The following CD4 variants were observed in gnomAD, a reference collection of about 807,000 sequenced individuals.
CD4 encodes the protein T-cell surface glycoprotein CD4.
Under a neutral mutation model 50.5 loss-of-function variants are expected in CD4, and 25 were observed. The ratio of observed to expected loss-of-function variants is 0.49; its 90% confidence interval spans 0.36 to 0.69. The LOEUF (loss-of-function observed/expected upper bound fraction) is 0.69. CD4 is among the 30% of genes least tolerant of loss of function. The probability of loss-of-function intolerance (pLI) is 0.00; values close to 1 mark genes in which losing one functional copy is unlikely to be tolerated. For synonymous variants in CD4, 207 were observed against 221.9 expected (o/e 0.93, Z 0.60); for missense variants, 456 against 548.5 (o/e 0.83, Z 1.68).
intron 1 of CD4, among the ~76,000 whole-genome samples, chr12:6,793,966 ATC>A (rs1207716948): frequency 5.5e-5 from 2 of 36,378 alleles, no homozygotes; most frequent in African/African-American, 5.0e-4. Context: ...GCTTCTATCT[ATC>A]TATATCTATC....
At chr12:6,791,397 C>T (rs1301534119) in intron 1 of CD4, among the ~76,000 whole-genome samples, 1 of 152,176 alleles carries the variant, frequency 6.6e-6, no homozygotes, top group Admixed American at 6.5e-5. Flanking sequence ...AGCCCAACAC[C>T]ACGCCCGGCT....
Position 6,816,342 on chromosome 12 carries a change from C to G in CD4, c.894C>G (p.Thr298=), listed in dbSNP as rs781952168. 1 of 1,614,242 alleles carries G rather than the reference C, an allele frequency of 6.2e-7. No individual in the cohort carries two copies. Among genetic ancestry groups the G allele is most frequent in the Admixed American group, 1.7e-5 (1 of 60,026 alleles). The change falls in exon 6 of 10, where the codon ACC becomes ACG. Residue 298 remains threonine, a synonymous_variant. Transcript: ENST00000011653. The surrounding 1 kb of genome is among the most constrained non-coding windows in gnomAD (Gnocchi z 4.9). ...LPQYAGSGNL[T]LALEAKTGKL... ...AGTATGCTGGCTCTGGAAACCTCAC[C>G]CTGGCCCTTGAAGCGAAAACAGGAA...
At position 6,820,428 on chromosome 12, in the gene CD4, G is replaced by A. The variant is rs1422456000; in HGVS notation, c.*1099G>A. 2 of 152,344 alleles carry A rather than the reference G, an allele frequency of 1.3e-5. No homozygotes were observed. Among genetic ancestry groups the A allele is most frequent in the Non-Finnish European group, 2.9e-5 (2 of 68,098 alleles). 9.4% of individuals were successfully genotyped at this position (152,344 alleles called of 1,614,324 possible). On this transcript the variant is annotated 3_prime_UTR_variant, in exon 10 of 10. Coordinates refer to ENST00000011653, the MANE Select transcript of CD4 (RefSeq NM_000616.5). ...CCTGTGCAGAACCTCCTGGAAGCGA[G>A]CTTTGCTGGGAGAGGGGGTAGCTAG...
chr12:6,818,923 C>T lies in CD4; in HGVS notation c.1346+9C>T. Reference sequence around the variant, plus strand: ...ACCTGCCAGTGTCCTCAGTAAGGATCTGGGAGGAGGGGTTGAGAGAGGGGA... The same window carrying T: ...ACCTGCCAGTGTCCTCAGTAAGGATTTGGGAGGAGGGGTTGAGAGAGGGGA... On this transcript the variant is annotated intron_variant, in intron 9 of 9. Coordinates refer to ENST00000011653, the MANE Select transcript of CD4 (RefSeq NM_000616.5). This position sits in a 1 kb window ranked among gnomAD's most constrained non-coding sequence, Gnocchi z 5.0. 2 of 1,453,886 alleles carry T rather than the reference C, an allele frequency of 1.4e-6. No individual in the cohort carries two copies. Among genetic ancestry groups the T allele is most frequent in the Non-Finnish European group, 1.9e-6 (2 of 1,056,244 alleles). 90.1% of individuals were successfully genotyped at this position (1,453,886 alleles called of 1,614,324 possible). A position where few individuals can be genotyped will look rare whatever the true frequency, so the allele number is the denominator to read the frequency against.
In CD4 at chr12:6,816,180, G is replaced by A. The variant is rs782812293; in HGVS notation, c.732G>A (p.Arg244=). ...GCGAGCTGTGGTGGCAGGCGGAGAG[G>A]GCTTCCTCCTCCAAGTCTTGGATCA... The part of the protein sequence containing the change: ...GSGELWWQAE[R]ASSSKSWITF... The change falls in exon 6 of 10, where the codon AGG becomes AGA. Residue 244 remains arginine (R), a synonymous_variant. Transcript: ENST00000011653. The surrounding 1 kb of genome is among the most constrained non-coding windows in gnomAD (Gnocchi z 4.9). 3.7e-6 allele frequency: 6 copies of A among 1,614,126 alleles called. No individual in the cohort carries two copies. The highest frequency in any genetic ancestry group is 4.5e-5 in the East Asian group (2 of 44,884).
At position 6,799,742 on chromosome 12, in the gene CD4, A is replaced by G. The variant is rs572679411; in HGVS notation, c.-67-330A>G. The G allele has an allele frequency of 2.9e-5, 5 of 175,078 alleles. No homozygotes were observed. The East Asian group carries it at 4.8e-4, about 17-fold the overall frequency. The allele number at this position is 175,078 out of a possible 1,614,324, so 10.8% of individuals were successfully genotyped here. A position where few individuals can be genotyped will look rare whatever the true frequency, so the allele number is the denominator to read the frequency against. On this transcript the variant is annotated intron_variant, in intron 1 of 9. Coordinates refer to ENST00000011653, the MANE Select transcript of CD4 (RefSeq NM_000616.5). ...GTGATCCACCCACCTCGGCCTCCCA[A>G]AGCACTGGGATTACAGGCATGAGCC...
chr12:6,806,643 T>C (rs1382787012), intron 3 of CD4, among the ~76,000 whole-genome samples: 4 of 152,120 alleles, frequency 2.6e-5, no homozygotes, highest in African/African-American at 9.7e-5. Context: ...GAAAAGGACA[T>C]ACAGTTGGCA....
chr12:6,789,832 C>T (rs1202190685), intron 1 of CD4, among the ~76,000 whole-genome samples, 170 bp downstream of exon 1: 3 of 152,254 alleles, frequency 2.0e-5, no homozygotes, highest in Non-Finnish European at 4.4e-5. Context: ...GAACTGTGAG[C>T]TTCCAGAGGT....
At chr12:6,813,279 A>G (rs1942992369) in intron 3 of CD4, among the ~76,000 whole-genome samples, 2 of 149,944 alleles carry the variant, frequency 1.3e-5, no homozygotes, top group South Asian at 4.2e-4. Flanking sequence ...CTGATCTCGA[A>G]CTCCTGGGCA....
At chr12:6,814,103 G>A (rs782271965) in intron 3 of CD4, 39 bp from the exon 4 acceptor site, 1 of 1,592,818 alleles carries the variant, frequency 6.3e-7, no homozygotes, top group South Asian at 1.1e-5. Context: ...CCTGTCTCCA[G>A]GGCGCCTCAG....
Position 6,800,421 on chromosome 12 carries a change from A to T in CD4, c.164A>T (p.Asn55Ile). Residue 55 changes from asparagine to isoleucine, a missense_variant, in exon 3 of 10, where the codon AAC becomes ATC. By Grantham distance (149) the Asn-to-Ile change is moderately radical. Transcript: ENST00000011653. ...QKKSIQFHWK[N>I]SNQIKILGNQ... ...AAGAGCATACAATTCCACTGGAAAA[A>T]CTCCAACCAGATAAAGATTCTGGGA... The T allele has an allele frequency of 6.2e-7, 1 of 1,614,034 alleles. No individual in the cohort carries two copies. The highest frequency in any genetic ancestry group is 8.5e-7 in the Non-Finnish European group (1 of 1,179,992).
chr12:6,790,417 G>A (rs1288866878), intron 1 of CD4, among the ~76,000 whole-genome samples: 1 of 152,228 alleles, frequency 6.6e-6, no homozygotes, highest in Non-Finnish European at 1.5e-5. Flanking sequence ...AATGATTCAT[G>A]AAATAGGAAA....
chr12:6,816,481 C>A lies in CD4; in HGVS notation c.955+78C>A. ...GGCCCAGGGCTCCCTCTGAGGCAAG[C>A]CAGGCCCCAAGAGGGGATGCCTAGG... On this transcript the variant is annotated intron_variant, in intron 6 of 9. Coordinates refer to ENST00000011653, the MANE Select transcript of CD4 (RefSeq NM_000616.5). This position sits in a 1 kb window ranked among gnomAD's most constrained non-coding sequence, Gnocchi z 4.9. The A allele has an allele frequency of 8.2e-7, 1 of 1,223,986 alleles. No individual in the cohort carries two copies. Among genetic ancestry groups the A allele is most frequent in the Non-Finnish European group, 1.1e-6 (1 of 884,360 alleles). 75.8% of individuals were successfully genotyped at this position (1,223,986 alleles called of 1,614,324 possible).
intron 1 of CD4, among the ~76,000 whole-genome samples, chr12:6,793,733 C>G (rs2137833306): frequency 6.9e-6 from 1 of 145,106 alleles, no homozygotes; most frequent in East Asian, 2.1e-4. Context: ...AAATCTCACT[C>G]TGTCGCCCAG....
chr12:6,806,938 C>A (rs1555116264), intron 3 of CD4, among the ~76,000 whole-genome samples: 1 of 152,110 alleles, frequency 6.6e-6, no homozygotes, highest in Non-Finnish European at 1.5e-5. Context: ...GAGGCCGAGG[C>A]GGGTGGATCA....
rs910997650 is a variant in CD4 at position 6,818,359 on chromosome 12, G to C, written c.1157-62G>C. The C allele has an allele frequency of 4.7e-5, 75 of 1,593,178 alleles. No homozygotes were observed. Among genetic ancestry groups the C allele is most frequent in the Non-Finnish European group, 6.3e-5 (74 of 1,170,064 alleles). On this transcript the variant is annotated intron_variant, in intron 7 of 9. Transcript: ENST00000011653. This position sits in a 1 kb window ranked among gnomAD's most constrained non-coding sequence, Gnocchi z 5.0. ...ACTGGCCAGGAGGGATTGCAGGGCA[G>C]TCCTCAGTCCCCTGGCCCGTGGAGG... is the stretch of plus-strand genomic sequence containing the variant.
At chr12:6,808,323 C>A (rs1942833126) in intron 3 of CD4, among the ~76,000 whole-genome samples, 1 of 148,534 alleles carries the variant, frequency 6.7e-6, no homozygotes, top group African/African-American at 2.5e-5. Context: ...GTGGTGGCAC[C>A]CGCCTGTAGT....
intron 3 of CD4, among the ~76,000 whole-genome samples, chr12:6,802,918 T>C (rs1218778711): frequency 4.0e-5 from 6 of 151,642 alleles, no homozygotes; most frequent in African/African-American, 1.5e-4. Context: ...ATTTTTTTAT[T>C]AGAGACAGGG....
intron 9 of CD4, 50 bp from the exon 10 acceptor site, chr12:6,819,249 A>C (rs781989947): frequency 1.2e-6 from 2 of 1,602,176 alleles, no homozygotes; most frequent in East Asian, 4.5e-5. Flanking sequence ...TAGAACGCAA[A>C]GGGGTTGCAG....
Sources: gnomAD v4.1 joint callset for allele counts (sites outside exome capture counted in the v4.1 genomes callset) on GRCh38, gnomAD v4.1.1 for gene constraint, Gnocchi (gnomAD v3.1) non-coding constraint, MANE v1.5 for transcripts, NCBI Gene and HGNC (gene_info 2026-07-23, HGNC 2026-07-21) for gene names.